The following OCIAD2 variants were observed in gnomAD, a reference collection of about 807,000 sequenced individuals.
The protein encoded by OCIAD2 is OCIA domain containing 2.
A neutral mutation model predicts 22.9 loss-of-function variants in OCIAD2; 29 were observed. The ratio of observed to expected loss-of-function variants is 1.27; its 90% CI spans 0.94 to 1.73. The LOEUF is 1.73. Among genes scored for constraint, OCIAD2 ranks in the 40% most tolerant of loss-of-function variants. The pLI is 0.00. For synonymous variants in OCIAD2, 67 were observed against 60.2 expected (o/e 1.11, Z -0.52); for missense variants, 189 against 180.3 (o/e 1.05, Z -0.28).
chr4:48,887,898 G>T (rs1781039598), intron 6 of OCIAD2, among the ~76,000 whole-genome samples: 1 of 152,108 alleles, frequency 6.6e-6, no homozygotes, highest in African/African-American at 2.4e-5. Flanking sequence ...GCTTGATGGG[G>T]ATGGCATTGA....
intron 1 of OCIAD2, among the ~76,000 whole-genome samples, chr4:48,905,652 C>G (rs956708609): frequency 6.6e-6 from 1 of 152,218 alleles, no homozygotes; most frequent in Non-Finnish European, 1.5e-5. Flanking sequence ...CTCTGCTTTT[C>G]TTCTGCAAAA....
In OCIAD2 at chr4:48,893,928, C is replaced by T. The variant is rs192590108; in HGVS notation, c.265+78G>A. On this transcript the variant is annotated intron_variant, in intron 5 of 6. Transcript: ENST00000508632. ...AACTCCTGGACTCAAGCAATCTACC[C>T]ACCTCAGCCTCCCAAAGTGCTGGGA... The T allele has an allele frequency of 2.1e-4, 165 of 797,354 alleles. No individual in the cohort carries two copies. The African/African-American group carries it at 2.6e-3, about 13-fold the overall frequency. The allele number at this position is 797,354 out of a possible 1,614,324, so 49.4% of individuals were successfully genotyped here. A position where few individuals can be genotyped will look rare whatever the true frequency, so the allele number is the denominator to read the frequency against.
At chr4:48,886,433 T>C (rs1780989911) in intron 6 of OCIAD2, among the ~76,000 whole-genome samples, 1 of 152,210 alleles carries the variant, frequency 6.6e-6, no homozygotes, top group Non-Finnish European at 1.5e-5. Flanking sequence ...GTTGGTGTGC[T>C]GCACCCATTA....
intron 2 of OCIAD2, 64 bp downstream of exon 2, chr4:48,904,420 G>A (rs1182437123): frequency 4.9e-6 from 7 of 1,416,564 alleles, no homozygotes; most frequent in Non-Finnish European, 6.0e-6. Flanking sequence ...CTGCACTCCA[G>A]TCTGGGTGAC....
Position 48,894,000 on chromosome 4 carries a change from A to C in OCIAD2, c.265+6T>G. On this transcript the variant is annotated splice_donor_region_variant and intron_variant, in intron 5 of 6. Coordinates refer to ENST00000508632, the MANE Select transcript of OCIAD2 (RefSeq NM_001014446.3). ...CTTGGCTTGCTTTTTTATTTCTATGACTTACGTGCAACTTTGGGCAATGAT... is the reference window on the plus strand; with the variant it reads ...CTTGGCTTGCTTTTTTATTTCTATGCCTTACGTGCAACTTTGGGCAATGAT... The C allele has an allele frequency of 6.6e-7, 1 of 1,512,934 alleles. No individual in the cohort carries two copies. Among genetic ancestry groups the C allele is most frequent in the Non-Finnish European group, 8.9e-7 (1 of 1,124,010 alleles). The allele number at this position is 1,512,934 out of a possible 1,614,324, so 93.7% of individuals were successfully genotyped here.
Position 48,885,395 on chromosome 4 carries a change from A to G in OCIAD2, c.*89T>C, listed in dbSNP as rs1233072617. 6.5e-6 allele frequency: 5 copies of G among 773,134 alleles called. No homozygotes were observed. In the East Asian group the frequency reaches 7.3e-5, roughly 11 times the overall value. 47.9% of individuals were successfully genotyped at this position (773,134 alleles called of 1,614,324 possible). A position where few individuals can be genotyped will look rare whatever the true frequency, so the allele number is the denominator to read the frequency against. On this transcript the variant is annotated 3_prime_UTR_variant, in exon 7 of 7. Transcript: ENST00000508632. ...ACAGACACAATGTTTTTGTTCCATT[A>G]GAAGTATTTTATTTTAAAGTACACT...
intron 6 of OCIAD2, among the ~76,000 whole-genome samples, chr4:48,889,726 T>C (rs563986689): frequency 2.6e-5 from 4 of 152,292 alleles, no homozygotes; most frequent in Non-Finnish European, 5.9e-5. Flanking sequence ...GAACTAGAAA[T>C]ACCATTTGAC....
intron 4 of OCIAD2, among the ~76,000 whole-genome samples, chr4:48,896,782 A>T (rs1050826756): frequency 2.8e-4 from 41 of 146,118 alleles, no homozygotes; most frequent in Non-Finnish European, 5.4e-4. Context: ...AAAAAAAAAA[A>T]TAGCAAAATC....
intron 1 of OCIAD2, among the ~76,000 whole-genome samples, chr4:48,905,124 G>A (rs1384982018): frequency 6.6e-6 from 1 of 152,130 alleles, no homozygotes; most frequent in African/African-American, 2.4e-5. Context: ...CAGACAAGGA[G>A]TTACAGGGAC....
chr4:48,900,312 A>C (rs767021096), intron 2 of OCIAD2, among the ~76,000 whole-genome samples: 38 of 152,120 alleles, frequency 2.5e-4, no homozygotes, highest in Non-Finnish European at 2.2e-4. Context: ...CCAGCTGAAC[A>C]TTGTCTCCTG....
intron 2 of OCIAD2, among the ~76,000 whole-genome samples, chr4:48,901,075 C>T (rs1411419529): frequency 6.6e-6 from 1 of 152,122 alleles, no homozygotes; most frequent in Non-Finnish European, 1.5e-5. Context: ...TTATTTCTAT[C>T]CATTCTTGCA....
At chr4:48,886,058 G>T (rs576275770) in intron 6 of OCIAD2, among the ~76,000 whole-genome samples, 17 of 152,204 alleles carry the variant, frequency 1.1e-4, no homozygotes, top group African/African-American at 4.1e-4. Context: ...TATGGTTTTA[G>T]GTCTAACATT....
chr4:48,898,734 C>T lies in OCIAD2; in HGVS notation c.164-877G>A, dbSNP rs543550141. 1.4e-3 allele frequency among the ~76,000 whole-genome samples: 209 copies of T among 152,266 alleles called. 1 individual carries two copies. Among genetic ancestry groups the T allele is most frequent in the African/African-American group, 4.2e-3 (176 of 41,554 alleles). On this transcript the variant is annotated intron_variant, in intron 3 of 6. Transcript: ENST00000508632. ...AAAGATTACAAGATGACTATGTTCA[C>T]GTTAAACATGTGTAATGTTTAGCTA...
chr4:48,886,716 C>T (rs1024436145), intron 6 of OCIAD2, among the ~76,000 whole-genome samples: 2 of 152,048 alleles, frequency 1.3e-5, no homozygotes, highest in East Asian at 1.9e-4. Context: ...GTATATGTGC[C>T]ACATTTTCTT....
At chr4:48,903,050 C>T (rs540648134) in intron 2 of OCIAD2, among the ~76,000 whole-genome samples, 1 of 152,310 alleles carries the variant, frequency 6.6e-6, no homozygotes, top group African/African-American at 2.4e-5. Context: ...AATAATTCTC[C>T]TTGTGACTTT....
chr4:48,886,356 T>C (rs1780987270), intron 6 of OCIAD2, among the ~76,000 whole-genome samples: 1 of 152,230 alleles, frequency 6.6e-6, no homozygotes. Context: ...TTTAAATTAT[T>C]ACACTTTAAG....
intron 6 of OCIAD2, among the ~76,000 whole-genome samples, chr4:48,888,274 A>C (rs866617501): frequency 6.6e-5 from 10 of 152,216 alleles, no homozygotes; most frequent in African/African-American, 2.4e-4. Flanking sequence ...CAATCATGTC[A>C]TCTGCAAATA....
chr4:48,900,794 A>G (rs1279680982), intron 2 of OCIAD2, among the ~76,000 whole-genome samples: 3 of 152,054 alleles, frequency 2.0e-5, no homozygotes, highest in Non-Finnish European at 4.4e-5. Context: ...GGGTTTTGCC[A>G]TGTTGCCCAG....
intron 2 of OCIAD2, among the ~76,000 whole-genome samples, chr4:48,903,046 TCTC>T (rs1386161164): frequency 1.3e-5 from 2 of 152,290 alleles, no homozygotes; most frequent in Non-Finnish European, 2.9e-5. Context: ...TCCAAATAAT[TCTC>T]CTTGTGACTT....
Sources: gnomAD v4.1 joint callset for allele counts (sites outside exome capture counted in the v4.1 genomes callset) on GRCh38, gnomAD v4.1.1 for gene constraint, MANE v1.5 for transcripts, NCBI Gene and HGNC (gene_info 2026-07-23, HGNC 2026-07-21) for gene names.